Variants in NR3C2 observed in about 807,000 individuals in gnomAD.
NR3C2 encodes nuclear receptor subfamily 3 group C member 2.
NR3C2 carries 15 observed loss-of-function variants against 86.4 expected under a neutral mutation model. The ratio of observed to expected loss-of-function variants is 0.17; its 90% CI spans 0.12 to 0.27. NR3C2 has a LOEUF of 0.27. Among genes scored for constraint, NR3C2 ranks in the 10% least tolerant of loss-of-function variants. NR3C2 has a pLI of 1.00. For missense variants in NR3C2, 960 were observed against 1,195.6 expected (o/e 0.80, Z 2.91); for synonymous variants, 458 against 450.5 (o/e 1.02, Z -0.21).
chr4:148,355,165 C>T (rs1422523325), intron 2 of NR3C2, among the ~76,000 whole-genome samples: 1 of 152,104 alleles, frequency 6.6e-6, no homozygotes, highest in Non-Finnish European at 1.5e-5. Context: ...TTCAACCTCT[C>T]CCACATCAGA....
intron 2 of NR3C2, among the ~76,000 whole-genome samples, chr4:148,263,050 A>G (rs887330452): frequency 1.3e-5 from 2 of 152,046 alleles, no homozygotes; most frequent in African/African-American, 2.4e-5. Context: ...CCACTCCCTG[A>G]CAGCCCCTGC....
intron 2 of NR3C2, among the ~76,000 whole-genome samples, chr4:148,309,662 C>T (rs906337268): frequency 1.3e-5 from 2 of 152,212 alleles, no homozygotes; most frequent in South Asian, 4.1e-4. Flanking sequence ...TAAGAAGAGA[C>T]ACACATGCAC....
intron 3 of NR3C2, among the ~76,000 whole-genome samples, chr4:148,211,169 A>G (rs181087738): frequency 1.4e-4 from 21 of 152,372 alleles, no homozygotes; most frequent in Admixed American, 3.9e-4. Flanking sequence ...CAAAGCAGTC[A>G]CAATGGTCTT....
intron 3 of NR3C2, among the ~76,000 whole-genome samples, chr4:148,235,788 G>T (rs971027488): frequency 6.6e-6 from 1 of 152,090 alleles, no homozygotes. Flanking sequence ...CAATGGTTAG[G>T]ACAACAGCTT....
chr4:148,339,969 A>C (rs569868400), intron 2 of NR3C2, among the ~76,000 whole-genome samples: 3 of 152,316 alleles, frequency 2.0e-5, no homozygotes, highest in Admixed American at 2.0e-4. Context: ...AAAAAAATTA[A>C]ATTCCAAGGA....
intron 2 of NR3C2, among the ~76,000 whole-genome samples, chr4:148,427,787 A>G (rs529429873): frequency 2.8e-4 from 42 of 152,270 alleles, no homozygotes; most frequent in African/African-American, 9.9e-4. Context: ...TAAAGCAAGG[A>G]TGTGCTCAAG....
At chr4:148,252,717 T>C (rs569830503) in intron 3 of NR3C2, among the ~76,000 whole-genome samples, 3 of 152,298 alleles carry the variant, frequency 2.0e-5, no homozygotes, top group South Asian at 4.1e-4. Context: ...GCCAAATAAG[T>C]GGCCAGACTC....
Position 148,320,746 on chromosome 4 carries a change from C to T in NR3C2, c.1758-60629G>A, listed in dbSNP as rs36127895. Reference sequence around the variant, plus strand: ...TATCCCCTTTATCATTTTTTTATTGCGTCTATTTGATTCTTCTCTCTTTTT... The same window carrying T: ...TATCCCCTTTATCATTTTTTTATTGTGTCTATTTGATTCTTCTCTCTTTTT... On this transcript the variant is annotated intron_variant, in intron 2 of 8. Transcript: ENST00000358102. Among the ~76,000 whole-genome samples, 1,195 of 151,690 alleles carry T rather than the reference C, an allele frequency of 7.9e-3. 14 individuals are homozygous for T. Among genetic ancestry groups the T allele is most frequent in the African/African-American group, 0.026 (1,085 of 41,324 alleles).
At chr4:148,143,896 G>A (rs946909138) in intron 6 of NR3C2, among the ~76,000 whole-genome samples, 7 of 134,440 alleles carry the variant, frequency 5.2e-5, no homozygotes, top group South Asian at 2.4e-4. Flanking sequence ...GCGGTGAGCC[G>A]AGATCGCACC....
At chr4:148,339,035 T>C (rs1057408031) in intron 2 of NR3C2, among the ~76,000 whole-genome samples, 6 of 152,194 alleles carry the variant, frequency 3.9e-5, no homozygotes, top group African/African-American at 1.4e-4. Flanking sequence ...AAATATTCAG[T>C]TCCAATTCCT....
chr4:148,120,479 C>T (rs1344274529), intron 6 of NR3C2, among the ~76,000 whole-genome samples, 191 bp from the exon 7 acceptor site: 1 of 152,176 alleles, frequency 6.6e-6, no homozygotes, highest in Non-Finnish European at 1.5e-5. Context: ...TAGACCAATA[C>T]TGCTGGGCCG....
At chr4:148,346,345 G>A (rs1744991217) in intron 2 of NR3C2, among the ~76,000 whole-genome samples, 1 of 152,092 alleles carries the variant, frequency 6.6e-6, no homozygotes, top group Non-Finnish European at 1.5e-5. Flanking sequence ...TGGCAATGAT[G>A]GGGAACAGCG....
Position 148,081,454 on chromosome 4 carries a change from ACT to A in NR3C2, c.2843_2844del (p.Glu948ValfsTer65). 6.2e-7 allele frequency: 1 copy of A among 1,613,698 alleles called. No homozygotes were observed. On this transcript the variant is annotated frameshift_variant, in exon 9 of 9. Transcript: ENST00000358102. LOFTEE classifies it high-confidence loss of function. Reference protein sequence around the residue: ...LLEFCFYTFRESHALKVEFPA... With the variant: ...LLEFCFYTFRXSHALKVEFPA... The stretch of plus-strand genomic sequence containing the variant: ...GGGAACTCTACCTTCAGCGCATGGG[ACT>A]CTCGGAAGGTGTAGAAGCAGAATTC...
intron 2 of NR3C2, among the ~76,000 whole-genome samples, chr4:148,290,023 G>A (rs1741723635): frequency 6.6e-6 from 1 of 152,054 alleles, no homozygotes; most frequent in African/African-American, 2.4e-5. Context: ...ATTTCCTAGG[G>A]TTGCCATAAC....
At chr4:148,152,077 C>T (rs6854073) in intron 6 of NR3C2, among the ~76,000 whole-genome samples, 5,423 of 152,162 alleles carry the variant, frequency 0.036, 341 homozygotes, top group African/African-American at 0.12. Flanking sequence ...TATATGAGCT[C>T]GTAAAAGCTG....
At chr4:148,096,833 C>G (rs914524062) in intron 8 of NR3C2, among the ~76,000 whole-genome samples, 1 of 152,176 alleles carries the variant, frequency 6.6e-6, no homozygotes, top group Non-Finnish European at 1.5e-5. Flanking sequence ...GTAGCTGTAA[C>G]CAAGATTGTG....
At chr4:148,354,888 G>T (rs115932019) in intron 2 of NR3C2, among the ~76,000 whole-genome samples, 1 of 152,012 alleles carries the variant, frequency 6.6e-6, no homozygotes, top group Non-Finnish European at 1.5e-5. Context: ...GGAGAAACAT[G>T]AAATTAGAAC....
chr4:148,385,430 T>C (rs768880155), intron 2 of NR3C2, among the ~76,000 whole-genome samples: 3 of 152,220 alleles, frequency 2.0e-5, no homozygotes, highest in Non-Finnish European at 4.4e-5. Flanking sequence ...TTATTAGCTA[T>C]AACTTGCTTA....
In NR3C2 at chr4:148,436,358, G is replaced by C. The variant is rs1442188316; in HGVS notation, c.503C>G (p.Ser168Cys). The C allele has an allele frequency of 1.2e-6, 2 of 1,614,092 alleles. No homozygotes were observed. The highest frequency in any genetic ancestry group is 2.2e-5 in the East Asian group (1 of 44,890). The stretch of plus-strand genomic sequence containing the variant: ...GACGCCACCATTCACGGAGCTCCCA[G>C]AGTCAGACATAAATGATCTCAAGGG... ...NTPLRSFMSDSGSSVNGGVMR... is the reference protein window; with the variant it reads ...NTPLRSFMSDCGSSVNGGVMR... The change falls in exon 2 of 9, where the codon TCT becomes TGT. Residue 168 changes from serine to cysteine, a missense_variant. Coordinates refer to ENST00000358102, the MANE Select transcript of NR3C2 (RefSeq NM_000901.5).
Sources: gnomAD v4.1 joint callset for allele counts (sites outside exome capture counted in the v4.1 genomes callset) on GRCh38, gnomAD v4.1.1 for gene constraint, MANE v1.5 for transcripts, NCBI Gene and HGNC (gene_info 2026-07-23, HGNC 2026-07-21) for gene names.